Variants in LRP1B observed in about 807,000 individuals in gnomAD.
LRP1B encodes low-density lipoprotein receptor-related protein 1B.
A neutral mutation model predicts 556.6 loss-of-function variants in LRP1B; 217 were observed. That is an observed-to-expected ratio of 0.39 (90% CI 0.35 to 0.44). The LOEUF is 0.44. Among genes scored for constraint, LRP1B ranks in the 20% least tolerant of loss-of-function variants. The pLI is 1.00. For synonymous variants in LRP1B, 2,047 were observed against 1,865.8 expected, an observed-to-expected ratio of 1.10 and a Z score of -2.50; for missense variants, 5,053 against 5,620.8, an observed-to-expected ratio of 0.90 and a Z score of 3.23.
chr2:140,898,641 C>T (rs984999304), intron 23 of LRP1B: 3 of 392,582 alleles, frequency 7.6e-6, no homozygotes, highest in Admixed American at 3.0e-5. Flanking sequence ...ACAACATAAA[C>T]TGGTCTGCCT....
In LRP1B at chr2:140,306,507, T is replaced by C. The variant is rs960174055; in HGVS notation, c.12805+8428A>G. 2.0e-5 allele frequency among the ~76,000 whole-genome samples: 3 copies of C among 152,122 alleles called. No homozygotes were observed. The East Asian group carries it at 5.8e-4, about 29-fold the overall frequency. ...GTGGGATCGGTGGTGATATCCCCTT[T>C]ATTGTTTTTTATTGTGTCTATTTGA... On this transcript the variant is annotated intron_variant, in intron 83 of 90. Transcript: ENST00000389484.
At chr2:141,533,044 A>G (rs1301480692) in intron 2 of LRP1B, among the ~76,000 whole-genome samples, 2 of 152,122 alleles carry the variant, frequency 1.3e-5, no homozygotes, top group Non-Finnish European at 2.9e-5. Context: ...AAGATAGGTC[A>G]TATTACGTTC....
chr2:140,802,081 A>G (rs886100312), intron 32 of LRP1B, among the ~76,000 whole-genome samples: 7 of 152,198 alleles, frequency 4.6e-5, no homozygotes, highest in Admixed American at 2.6e-4. Flanking sequence ...TAGAACCGCT[A>G]TAGAAAAAAA....
At chr2:142,107,319 G>A (rs1005923514) in intron 1 of LRP1B, among the ~76,000 whole-genome samples, 2 of 152,120 alleles carry the variant, frequency 1.3e-5, no homozygotes, top group African/African-American at 4.8e-5. Context: ...TTCTGCCCTC[G>A]TTGATGGATT....
At chr2:140,356,252 T>A (rs2105129190) in intron 75 of LRP1B, 90 bp downstream of exon 75, 1 of 1,312,324 alleles carries the variant, frequency 7.6e-7, no homozygotes, top group Non-Finnish European at 1.1e-6. Context: ...TTGATGAAAG[T>A]CAATCCCCTG....
chr2:141,609,541 T>A (rs1688032155), intron 2 of LRP1B, among the ~76,000 whole-genome samples: 1 of 152,230 alleles, frequency 6.6e-6, no homozygotes. Context: ...AGTGTTTGTT[T>A]TTAATATAAC....
chr2:141,895,598 A>AT (rs1189115752), intron 1 of LRP1B, among the ~76,000 whole-genome samples: 1 of 152,146 alleles, frequency 6.6e-6, no homozygotes, highest in Non-Finnish European at 1.5e-5. Flanking sequence ...AGGGCTCACC[A>AT]TTTTTTTCCA....
At chr2:141,399,466 G>A (rs944221775) in intron 3 of LRP1B, among the ~76,000 whole-genome samples, 1 of 152,114 alleles carries the variant, frequency 6.6e-6, no homozygotes, top group African/African-American at 2.4e-5. Context: ...TGCAGAGCAT[G>A]TGCTTATGGT....
intron 1 of LRP1B, among the ~76,000 whole-genome samples, chr2:142,104,945 T>C (rs1706694906): frequency 2.0e-5 from 3 of 152,162 alleles, no homozygotes; most frequent in Non-Finnish European, 4.4e-5. Flanking sequence ...CCTAACATGT[T>C]CCAGACACTA....
chr2:140,327,624 C>T (rs1231425809), intron 79 of LRP1B, among the ~76,000 whole-genome samples: 1 of 145,260 alleles, frequency 6.9e-6, no homozygotes, highest in African/African-American at 2.5e-5. Context: ...CAATGTGCTA[C>T]AATAAAGAAG....
chr2:140,667,115 C>T (rs1209218401), intron 41 of LRP1B, among the ~76,000 whole-genome samples: 1 of 152,120 alleles, frequency 6.6e-6, no homozygotes, highest in Non-Finnish European at 1.5e-5. Context: ...TGTGACCCTA[C>T]GTAACATCTG....
intron 2 of LRP1B, among the ~76,000 whole-genome samples, chr2:141,535,624 G>T (rs1429569236): frequency 6.6e-6 from 1 of 151,748 alleles, no homozygotes; most frequent in African/African-American, 2.4e-5. Flanking sequence ...CAAGTTAACA[G>T]AAATGAAAAT....
rs147916389 is a variant in LRP1B, at chr2:141,067,348, T to C, written c.1014-5075A>G. Among the ~76,000 whole-genome samples the C allele has an allele frequency of 3.9e-4, 60 of 152,164 alleles. 1 individual carries two copies. The highest frequency in any genetic ancestry group is 1.4e-3 in the African/African-American group (58 of 41,564). ...GTGGATAATAAACAATTAAGCTATT[T>C]TGTCTGTCTGGCCAAGACTATTCAA... On this transcript the variant is annotated intron_variant, in intron 7 of 90. Transcript: ENST00000389484.
rs72985396 is a variant in LRP1B at position 141,774,456 on chromosome 2, G to A, written c.205+35823C>T. Among the ~76,000 whole-genome samples, 375 of 152,122 alleles carry A rather than the reference G, an allele frequency of 2.5e-3. 1 individual carries two copies. Among genetic ancestry groups the A allele is most frequent in the African/African-American group, 8.5e-3 (353 of 41,498 alleles). ...TAATGAGACCTCACTCAATCACCGC[G>A]GGGATGGTGCTGGGCCATTCATGAG... On this transcript the variant is annotated intron_variant, in intron 2 of 90. Coordinates refer to ENST00000389484, the MANE Select transcript of LRP1B (RefSeq NM_018557.3).
chr2:140,813,331 T>A (rs1488135749), intron 32 of LRP1B, among the ~76,000 whole-genome samples: 1 of 152,182 alleles, frequency 6.6e-6, no homozygotes, highest in Non-Finnish European at 1.5e-5. Context: ...GACTTTATTG[T>A]GACAAATGCA....
chr2:141,760,562 G>A (rs911020652), intron 2 of LRP1B, among the ~76,000 whole-genome samples: 1 of 152,106 alleles, frequency 6.6e-6, no homozygotes, highest in Admixed American at 6.5e-5. Context: ...TATATTTAGT[G>A]CAACTTATAT....
At chr2:141,483,898 T>C (rs1269721248) in intron 2 of LRP1B, among the ~76,000 whole-genome samples, 1 of 150,770 alleles carries the variant, frequency 6.6e-6, no homozygotes, top group African/African-American at 2.4e-5. Flanking sequence ...AAAAATTTTC[T>C]CCCATTCTGT....
At position 141,492,460 on chromosome 2, in the gene LRP1B, G is replaced by A. The variant is rs1683369831; in HGVS notation, c.206-11927C>T. Among the ~76,000 whole-genome samples the A allele has an allele frequency of 2.0e-5, 3 of 152,148 alleles. No homozygotes were observed. In the South Asian group the frequency reaches 6.2e-4, roughly 31 times the overall value. ...ACACAGATTCACTGCAGTATATGCA[G>A]ACAATGTGTAGAAAGATCTGGCATA... On this transcript the variant is annotated intron_variant, in intron 2 of 90. Transcript: ENST00000389484.
chr2:141,886,009 C>T (rs1699099627), intron 1 of LRP1B, among the ~76,000 whole-genome samples: 1 of 152,106 alleles, frequency 6.6e-6, no homozygotes, highest in Non-Finnish European at 1.5e-5. Context: ...GTTGATCTAA[C>T]AGGAGAAGAG....
Sources: gnomAD v4.1 joint callset for allele counts (sites outside exome capture counted in the v4.1 genomes callset) on GRCh38, gnomAD v4.1.1 for gene constraint, MANE v1.5 for transcripts, NCBI Gene and HGNC (gene_info 2026-07-23, HGNC 2026-07-21) for gene names.